The following PALLD variants were observed in gnomAD, a reference collection of about 807,000 sequenced individuals.
PALLD encodes palladin, cytoskeletal associated protein, also known as palladin.
Under a neutral mutation model 123.5 loss-of-function variants are expected in PALLD, and 61 were observed. That is an observed-to-expected ratio of 0.49 (90% CI 0.40 to 0.61). The LOEUF is 0.61. PALLD is among the 20% of genes least tolerant of loss of function. The probability of loss-of-function intolerance (pLI) is 0.00; values close to 1 mark genes in which losing one functional copy is unlikely to be tolerated. For missense variants in PALLD, 1,273 were observed against 1,377.0 expected (o/e 0.92, Z 1.20); for synonymous variants, 465 against 496.4 (o/e 0.94, Z 0.84).
chr4:168,853,543 G>A (rs1416300646), intron 10 of PALLD, among the ~76,000 whole-genome samples: 3 of 152,200 alleles, frequency 2.0e-5, no homozygotes, highest in Admixed American at 6.5e-5. Flanking sequence ...TGGTTTGGAG[G>A]CCTGAGGAAA....
At chr4:168,681,497 C>A in intron 4 of PALLD, 99 bp downstream of exon 4, 85 of 662,874 alleles carry the variant, frequency 1.3e-4, no homozygotes, top group East Asian at 3.1e-4. Context: ...AGAAAAAAGT[C>A]AACTGATGTT....
At chr4:168,624,927 A>G (rs1775093603) in intron 2 of PALLD, among the ~76,000 whole-genome samples, 1 of 152,132 alleles carries the variant, frequency 6.6e-6, no homozygotes, top group African/African-American at 2.4e-5. Context: ...ACAGATAGAA[A>G]GATCTACCTT....
At chr4:168,716,051 A>G (rs1172843015) in intron 10 of PALLD, among the ~76,000 whole-genome samples, 1 of 152,198 alleles carries the variant, frequency 6.6e-6, no homozygotes, top group African/African-American at 2.4e-5. Context: ...CGATTTGCCA[A>G]GCATATAGAA....
chr4:168,924,047 T>G (rs1762107400), intron 18 of PALLD, among the ~76,000 whole-genome samples: 1 of 152,152 alleles, frequency 6.6e-6, no homozygotes, highest in Non-Finnish European at 1.5e-5. Flanking sequence ...AGACTTGAAT[T>G]AATTGAGGAA....
At chr4:168,785,846 G>GAGATATATATATATATATATATAT (rs764117358) in intron 10 of PALLD, among the ~76,000 whole-genome samples, 27 of 80,902 alleles carry the variant, frequency 3.3e-4, no homozygotes, top group Non-Finnish European at 4.5e-4. Flanking sequence ...AAACTGTAGA[G>GAGATATATATATATATATATATAT]ATATATATAT....
At chr4:168,663,286 G>A (rs930829474) in intron 2 of PALLD, among the ~76,000 whole-genome samples, 4 of 152,206 alleles carry the variant, frequency 2.6e-5, no homozygotes, top group Non-Finnish European at 5.9e-5. Context: ...TGCAGGGGAC[G>A]TGCCAGGGTC....
intron 10 of PALLD, among the ~76,000 whole-genome samples, chr4:168,785,846 G>GATATAAATATAT (rs1736650314): frequency 1.2e-5 from 1 of 80,898 alleles, no homozygotes; most frequent in African/African-American, 3.9e-5. Context: ...AAACTGTAGA[G>GATATAAATATAT]ATATATATAT....
chr4:168,609,115 C>T (rs1442600104), intron 2 of PALLD, among the ~76,000 whole-genome samples: 1 of 152,100 alleles, frequency 6.6e-6, no homozygotes, highest in Non-Finnish European at 1.5e-5. Flanking sequence ...TATTCAGACG[C>T]TGTGGCTCGG....
intron 10 of PALLD, among the ~76,000 whole-genome samples, chr4:168,826,860 T>G (rs1743486917): frequency 6.6e-6 from 1 of 152,180 alleles, no homozygotes; most frequent in Admixed American, 6.5e-5. Flanking sequence ...ACAGTGGAAC[T>G]GACCCCACTC....
At chr4:168,704,080 A>G (rs1016110921) in intron 8 of PALLD, among the ~76,000 whole-genome samples, 1 of 151,958 alleles carries the variant, frequency 6.6e-6, no homozygotes, top group Non-Finnish European at 1.5e-5. Flanking sequence ...ATAACGCCAC[A>G]TATCTACAAC....
chr4:168,865,295 C>T (rs1022710985), intron 10 of PALLD, among the ~76,000 whole-genome samples: 1 of 152,256 alleles, frequency 6.6e-6, no homozygotes, highest in African/African-American at 2.4e-5. Context: ...TAGGCTGCAT[C>T]TCTTGTGCTT....
At chr4:168,533,306 T>C (rs1764773365) in intron 2 of PALLD, among the ~76,000 whole-genome samples, 1 of 152,202 alleles carries the variant, frequency 6.6e-6, no homozygotes, top group South Asian at 2.1e-4. Flanking sequence ...CTAGACGCTG[T>C]TACCTAATTA....
intron 2 of PALLD, among the ~76,000 whole-genome samples, chr4:168,627,680 A>G (rs1388969096): frequency 1.3e-5 from 2 of 152,248 alleles, no homozygotes; most frequent in African/African-American, 2.4e-5. Flanking sequence ...TCAAGAGCCA[A>G]GTCGAAAGAC....
At chr4:168,654,544 T>G in intron 2 of PALLD, among the ~76,000 whole-genome samples, 1 of 152,238 alleles carries the variant, frequency 6.6e-6, no homozygotes, top group East Asian at 1.9e-4. Flanking sequence ...TTTCCTACTT[T>G]TAAAAACAAA....
rs115484455 is a variant in PALLD at position 168,811,946 on chromosome 4, T to C, written c.1965-78976T>C. Among the ~76,000 whole-genome samples, 1,487 of 152,270 alleles carry C rather than the reference T, an allele frequency of 9.8e-3. 26 individuals carry two copies. The highest frequency in any genetic ancestry group is 0.033 in the African/African-American group (1,391 of 41,552). ...TGAAGGTGACAGTCCTACCCTCGCC[T>C]GTTTCCTGAAGGTCTGTTGAGTGAG... On this transcript the variant is annotated intron_variant, in intron 10 of 21. Coordinates refer to ENST00000505667, the MANE Select transcript of PALLD (RefSeq NM_001166108.2).
rs142300638 is a variant in PALLD at position 168,748,487 on chromosome 4, C to T, written c.1964+36564C>T. Reference sequence around the variant, plus strand: ...GCTTAGTTGACTTCTATGGTGTATTCGTTTCCTATTCTGTATAACAGATTA... The same window carrying T: ...GCTTAGTTGACTTCTATGGTGTATTTGTTTCCTATTCTGTATAACAGATTA... On this transcript the variant is annotated intron_variant, in intron 10 of 21. Coordinates refer to ENST00000505667, the MANE Select transcript of PALLD (RefSeq NM_001166108.2). Among the ~76,000 whole-genome samples the T allele has an allele frequency of 4.2e-3, 636 of 152,290 alleles. 1 individual carries two copies. Among genetic ancestry groups the T allele is most frequent in the African/African-American group, 0.014 (586 of 41,570 alleles).
At chr4:168,562,121 A>G (rs1170097013) in intron 2 of PALLD, among the ~76,000 whole-genome samples, 1 of 152,020 alleles carries the variant, frequency 6.6e-6, no homozygotes, top group African/African-American at 2.4e-5. Flanking sequence ...GAATGCAGAC[A>G]CCGTACTTCT....
In PALLD at chr4:168,711,640, C is replaced by A. The variant is rs763814940; in HGVS notation, c.1681C>A (p.His561Asn). 5.6e-6 allele frequency: 9 copies of A among 1,614,060 alleles called. No individual in the cohort carries two copies. In the South Asian group the frequency reaches 9.9e-5, roughly 18 times the overall value. The change falls in exon 10 of 22, where the codon CAC (histidine) becomes AAC (asparagine). Residue 561 changes from histidine to asparagine, a missense_variant. This residue lies in a region of PALLD where 944 missense variants were observed against 954.5 expected (regional missense o/e 0.99). Transcript: ENST00000505667. ...AGAATCCAACAATGACCACTTCCAACACTTTCCACCTCCCCCTCCAATCTT... is the reference window on the plus strand; with the variant it reads ...AGAATCCAACAATGACCACTTCCAAAACTTTCCACCTCCCCCTCCAATCTT... ...MGESNNDHFQ[H>N]FPPPPPILET... is the part of the protein sequence containing the mutation.
chr4:168,922,986 T>C (rs1035049876), intron 18 of PALLD, among the ~76,000 whole-genome samples: 1 of 152,216 alleles, frequency 6.6e-6, no homozygotes, highest in African/African-American at 2.4e-5. Flanking sequence ...AGTTTCTCCA[T>C]ATATAAAATG....
Sources: gnomAD v4.1 joint callset for allele counts (sites outside exome capture counted in the v4.1 genomes callset) on GRCh38, gnomAD v4.1.1 for gene constraint, gnomAD v4.1.1 regional missense constraint, MANE v1.5 for transcripts, NCBI Gene and HGNC (gene_info 2026-07-23, HGNC 2026-07-21) for gene names.